PAPSS2: variants seen among roughly 807,000 people sequenced by gnomAD.
PAPSS2 encodes the protein bifunctional 3'-phosphoadenosine 5'-phosphosulfate synthase 2.
PAPSS2 carries 61 observed loss-of-function variants against 66.5 expected under a neutral mutation model. The observed-to-expected ratio is 0.92, with a 90% CI of 0.75 to 1.14. The LOEUF (loss-of-function observed/expected upper bound fraction) is 1.14. PAPSS2 is among the 50% of genes most tolerant of loss of function. The pLI, the probability that PAPSS2 is intolerant of heterozygous loss-of-function variation, is 0.00. For missense variants in PAPSS2, 708 were observed against 789.6 expected, an observed-to-expected ratio of 0.90 and a Z score of 1.24; for synonymous variants, 289 against 287.5, an observed-to-expected ratio of 1.01 and a Z score of -0.05.
chr10:87,722,151 T>A (rs755961960), intron 8 of PAPSS2, among the ~76,000 whole-genome samples: 6 of 152,232 alleles, frequency 3.9e-5, no homozygotes, highest in Non-Finnish European at 7.3e-5. Context: ...TATAAAAGAT[T>A]TTAAGTTGAT....
At chr10:87,744,587 G>A (rs7913763) in intron 11 of PAPSS2, among the ~76,000 whole-genome samples, 44,101 of 151,946 alleles carry the variant, frequency 0.29, 6,608 homozygotes, top group Middle Eastern at 0.31. Flanking sequence ...CAGCATTTGT[G>A]TGTGAAAGGT....
intron 9 of PAPSS2, among the ~76,000 whole-genome samples, chr10:87,739,242 C>T (rs1461631850): frequency 6.6e-6 from 1 of 152,020 alleles, no homozygotes; most frequent in African/African-American, 2.4e-5. Context: ...CCAGTTTTCC[C>T]AACATTATTT....
chr10:87,676,959 C>T lies in PAPSS2; in HGVS notation c.27+16951C>T, dbSNP rs1202349561. 4.1e-5 allele frequency among the ~76,000 whole-genome samples: 6 copies of T among 148,040 alleles called. No homozygotes were observed. In the East Asian group the frequency reaches 9.9e-4, roughly 24 times the overall value. On this transcript the variant is annotated intron_variant, in intron 1 of 12. Transcript: ENST00000456849. ...CTATAATCCCAGCACTTTGGGAGGC[C>T]GAGGCAGGCAGATCACTTGAGGTCA...
At chr10:87,719,773 G>A (rs1242125720) in intron 7 of PAPSS2, among the ~76,000 whole-genome samples, 1 of 152,142 alleles carries the variant, frequency 6.6e-6, no homozygotes, top group African/African-American at 2.4e-5. Flanking sequence ...GGTAATGAAG[G>A]CAGGTGAGCT....
intron 9 of PAPSS2, among the ~76,000 whole-genome samples, chr10:87,735,865 C>T (rs1853792154): frequency 6.6e-6 from 1 of 152,160 alleles, no homozygotes; most frequent in South Asian, 2.1e-4. Context: ...TCCCAATCCC[C>T]CACTCCCTGA....
chr10:87,668,237 G>A (rs911564634), intron 1 of PAPSS2, among the ~76,000 whole-genome samples: 2 of 152,036 alleles, frequency 1.3e-5, no homozygotes, highest in Non-Finnish European at 2.9e-5. Flanking sequence ...CTCTGCTGGG[G>A]GTCCCATGTG....
chr10:87,729,926 G>A (rs1209674792), intron 9 of PAPSS2, among the ~76,000 whole-genome samples: 1 of 152,142 alleles, frequency 6.6e-6, no homozygotes, highest in Non-Finnish European at 1.5e-5. Flanking sequence ...AACCCAGGAA[G>A]TGGAGGTTGC....
At chr10:87,699,774 C>T (rs749862776) in intron 1 of PAPSS2, among the ~76,000 whole-genome samples, 5 of 147,398 alleles carry the variant, frequency 3.4e-5, no homozygotes, top group African/African-American at 1.0e-4. Context: ...CACTTGAACC[C>T]GGGACGCAGA....
chr10:87,689,602 G>T (rs1410935647), intron 1 of PAPSS2, among the ~76,000 whole-genome samples: 5 of 147,370 alleles, frequency 3.4e-5, no homozygotes, highest in Non-Finnish European at 7.4e-5. Context: ...GGAGGTGGAG[G>T]TTTGCGGTGA....
intron 1 of PAPSS2, among the ~76,000 whole-genome samples, chr10:87,676,188 GTTCTTGACGGTGGTGACTTTATCTT>G (rs1475626697): frequency 6.6e-6 from 1 of 152,010 alleles, no homozygotes; most frequent in Non-Finnish European, 1.5e-5. Flanking sequence ...TTAGTGAGCT[GTTCTTGACGGTGGTGACTTTATCTT>G]TGGAAATTTG....
intron 1 of PAPSS2, among the ~76,000 whole-genome samples, chr10:87,697,709 T>C (rs1390586606): frequency 6.6e-6 from 1 of 152,224 alleles, no homozygotes; most frequent in Non-Finnish European, 1.5e-5. Flanking sequence ...GCCAAAGCTC[T>C]CCTGTGTCAT....
At chr10:87,665,121 A>G (rs1304709124) in intron 1 of PAPSS2, among the ~76,000 whole-genome samples, 14 of 152,046 alleles carry the variant, frequency 9.2e-5, no homozygotes, top group Admixed American at 9.2e-4. Flanking sequence ...CAGGCCTAGG[A>G]TGAATGACTT....
intron 1 of PAPSS2, among the ~76,000 whole-genome samples, chr10:87,681,982 A>T (rs550735994): frequency 6.6e-6 from 1 of 152,214 alleles, no homozygotes; most frequent in Non-Finnish European, 1.5e-5. Context: ...TGGGGCTATT[A>T]TGAAGAATGG....
intron 8 of PAPSS2, among the ~76,000 whole-genome samples, chr10:87,725,353 A>G (rs1853645739): frequency 6.6e-6 from 1 of 152,140 alleles, no homozygotes; most frequent in Non-Finnish European, 1.5e-5. Context: ...GATGCCTTCT[A>G]ATTTGCTGTG....
intron 5 of PAPSS2, 61 bp downstream of exon 5, chr10:87,714,924 C>T (rs1853513967): frequency 1.4e-6 from 2 of 1,402,202 alleles, no homozygotes; most frequent in East Asian, 2.3e-5. Context: ...CAATCTATGC[C>T]TCTTTACTGA....
chr10:87,691,347 C>T lies in PAPSS2; in HGVS notation c.28-17849C>T, dbSNP rs527341150. Among the ~76,000 whole-genome samples the T allele has an allele frequency of 2.3e-4, 35 of 152,204 alleles. 1 individual carries two copies. Among genetic ancestry groups the T allele is most frequent in the East Asian group, 3.9e-4 (2 of 5,184 alleles). On this transcript the variant is annotated intron_variant, in intron 1 of 12. Transcript: ENST00000456849. ...CCAGGCATACAGATTCAAAGATAAA[C>T]GTGAGCAAAGCAGCCTCTCTGGTGT...
chr10:87,665,786 T>A (rs1022287840), intron 1 of PAPSS2, among the ~76,000 whole-genome samples: 4 of 152,134 alleles, frequency 2.6e-5, no homozygotes, highest in Admixed American at 2.6e-4. Flanking sequence ...TTAATTTCTG[T>A]TCCACCTCTC....
At chr10:87,730,466 A>G (rs961558380) in intron 9 of PAPSS2, among the ~76,000 whole-genome samples, 4 of 152,134 alleles carry the variant, frequency 2.6e-5, no homozygotes, top group Non-Finnish European at 5.9e-5. Flanking sequence ...TTAGAGGTAA[A>G]TGTTTCTTTC....
At chr10:87,685,017 C>A (rs1424914188) in intron 1 of PAPSS2, among the ~76,000 whole-genome samples, 1 of 152,184 alleles carries the variant, frequency 6.6e-6, no homozygotes, top group Non-Finnish European at 1.5e-5. Flanking sequence ...CTCATCTCTA[C>A]CCCTGGGACT....
Sources: gnomAD v4.1 joint callset for allele counts (sites outside exome capture counted in the v4.1 genomes callset) on GRCh38, gnomAD v4.1.1 for gene constraint, MANE v1.5 for transcripts, NCBI Gene and HGNC (gene_info 2026-07-23, HGNC 2026-07-21) for gene names.